FRMD6: variants seen among roughly 807,000 people sequenced by gnomAD.
The protein encoded by FRMD6 is FERM domain containing 6.
In FRMD6, 37 loss-of-function variants were observed where a neutral mutation model predicts 73.2. The observed-to-expected ratio is 0.51, with a 90% CI of 0.39 to 0.66. The LOEUF (loss-of-function observed/expected upper bound fraction) is 0.66. Among genes scored for constraint, FRMD6 ranks in the 30% least tolerant of loss-of-function variants. The pLI is 0.00. For missense variants in FRMD6, 714 were observed against 780.5 expected, an observed-to-expected ratio of 0.91 and a Z score of 1.02; for synonymous variants, 273 against 282.2, an observed-to-expected ratio of 0.97 and a Z score of 0.33.
intron 1 of FRMD6, among the ~76,000 whole-genome samples, chr14:51,501,595 C>T (rs1284728914): frequency 6.6e-6 from 1 of 152,166 alleles, no homozygotes; most frequent in East Asian, 1.9e-4. Context: ...ATATGTACCA[C>T]ATTTTCTTTA....
At chr14:51,571,116 C>T (rs1446754181) in intron 2 of FRMD6, among the ~76,000 whole-genome samples, 1 of 152,184 alleles carries the variant, frequency 6.6e-6, no homozygotes, top group Non-Finnish European at 1.5e-5. Context: ...TGGCTCATGA[C>T]TAACCCCAGC....
At chr14:51,481,573 G>C in the FRMD6 span, among the ~76,000 whole-genome samples, 1 of 152,206 alleles carries the variant, frequency 6.6e-6, no homozygotes. Context: ...CCTACTATTT[G>C]CAAAAGTATA....
intron 2 of FRMD6, among the ~76,000 whole-genome samples, chr14:51,578,659 G>A (rs1028490686): frequency 5.9e-5 from 9 of 152,148 alleles, no homozygotes; most frequent in African/African-American, 2.2e-4. Context: ...TTTGTGCCAG[G>A]CACTATGCTG....
intron 2 of FRMD6, among the ~76,000 whole-genome samples, chr14:51,611,141 G>A (rs1316152463): frequency 6.6e-6 from 1 of 152,188 alleles, no homozygotes; most frequent in Non-Finnish European, 1.5e-5. Flanking sequence ...GTCAAGCCAG[G>A]AATCTCTTTG....
chr14:51,644,498 T>C (rs898150904), intron 2 of FRMD6, among the ~76,000 whole-genome samples: 1 of 152,184 alleles, frequency 6.6e-6, no homozygotes, highest in Middle Eastern at 3.2e-3. Flanking sequence ...AATGGGGCCA[T>C]AGCAGTTAGA....
At chr14:51,513,828 GCCTATCTCT>G in intron 1 of FRMD6, among the ~76,000 whole-genome samples, 1 of 152,140 alleles carries the variant, frequency 6.6e-6, no homozygotes, top group African/African-American at 2.4e-5. Context: ...CCCAGCTAAG[GCCTATCTCT>G]CCTCTCCAAT....
chr14:51,500,863 G>C (rs978595411), intron 1 of FRMD6, among the ~76,000 whole-genome samples: 2 of 152,158 alleles, frequency 1.3e-5, no homozygotes, highest in African/African-American at 4.8e-5. Context: ...ACAGTGAGTT[G>C]TTTCTAAATT....
At chr14:51,468,674 G>T in the FRMD6 span, among the ~76,000 whole-genome samples, 1 of 152,118 alleles carries the variant, frequency 6.6e-6, no homozygotes, top group Non-Finnish European at 1.5e-5. Context: ...GTGGGCAGGG[G>T]GACAATTCAG....
intron 2 of FRMD6, chr14:51,584,418 T>C (rs1888903793): frequency 6.6e-6 from 1 of 152,176 alleles, no homozygotes. Context: ...TGATAGGATA[T>C]CAATAATAAA....
At chr14:51,565,981 G>A (rs1887749895) in intron 1 of FRMD6, among the ~76,000 whole-genome samples, 1 of 152,180 alleles carries the variant, frequency 6.6e-6, no homozygotes, top group Non-Finnish European at 1.5e-5. Context: ...TGGCTAACAT[G>A]GTGAAACCCC....
At chr14:51,420,239 G>T in the FRMD6 span, among the ~76,000 whole-genome samples, 1 of 152,200 alleles carries the variant, frequency 6.6e-6, no homozygotes, top group East Asian at 1.9e-4. Context: ...ATTATGTAAA[G>T]TCACTCTACT....
chr14:51,495,376 CTTTTAAGGG>C (rs1883233991), intron 1 of FRMD6, among the ~76,000 whole-genome samples: 1 of 152,194 alleles, frequency 6.6e-6, no homozygotes, highest in African/African-American at 2.4e-5. Flanking sequence ...ACCAGAATCA[CTTTTAAGGG>C]TCTATCTTAG....
intron 2 of FRMD6, among the ~76,000 whole-genome samples, chr14:51,602,093 A>C (rs78438281): frequency 0.027 from 4,061 of 152,312 alleles, 82 homozygotes; most frequent in Middle Eastern, 0.082. Flanking sequence ...GGAAATTCTC[A>C]AAGGGAGAGT....
At chr14:51,441,203 G>T in the FRMD6 span, among the ~76,000 whole-genome samples, 2 of 152,210 alleles carry the variant, frequency 1.3e-5, no homozygotes, top group Non-Finnish European at 2.9e-5. Context: ...TGGACACATT[G>T]TATGCTAAGT....
intron 1 of FRMD6, among the ~76,000 whole-genome samples, chr14:51,526,626 C>T (rs927690865): frequency 6.6e-6 from 1 of 152,174 alleles, no homozygotes; most frequent in Non-Finnish European, 1.5e-5. Flanking sequence ...AAATTCTTGT[C>T]TGAGGCAACC....
chr14:51,423,169 A>G, the FRMD6 span, among the ~76,000 whole-genome samples: 1 of 152,226 alleles, frequency 6.6e-6, no homozygotes, highest in Non-Finnish European at 1.5e-5. Flanking sequence ...TGTCTGTTTC[A>G]GCACATAAGT....
At chr14:51,490,121 A>C (rs1882909976) in intron 1 of FRMD6, among the ~76,000 whole-genome samples, 1 of 152,232 alleles carries the variant, frequency 6.6e-6, no homozygotes, top group Non-Finnish European at 1.5e-5. Flanking sequence ...ACCAGATCCC[A>C]AGTGTTGTAA....
At chr14:51,727,069 A>AC (rs1012987470) in intron 13 of FRMD6, among the ~76,000 whole-genome samples, 46 of 151,766 alleles carry the variant, frequency 3.0e-4, no homozygotes, top group Non-Finnish European at 2.5e-4. Flanking sequence ...ATTTGGCGGA[A>AC]CCCCCCCACC....
intron 1 of FRMD6, among the ~76,000 whole-genome samples, chr14:51,569,183 A>C (rs916210834): frequency 1.3e-5 from 2 of 152,174 alleles, no homozygotes; most frequent in African/African-American, 4.8e-5. Context: ...TCTTCATACT[A>C]GCCCTCACAA....
Sources: allele counts gnomAD v4.1 joint callset (sites outside exome capture counted in the v4.1 genomes callset), GRCh38; gene constraint gnomAD v4.1.1; transcripts MANE v1.5; gene names NCBI Gene and HGNC (gene_info 2026-07-23, HGNC 2026-07-21).